RASSF9: variants seen among roughly 807,000 people sequenced by gnomAD.
The protein encoded by RASSF9 is ras association domain-containing protein 9.
Under a neutral mutation model 21.4 loss-of-function variants are expected in RASSF9, and 18 were observed. That is an observed-to-expected ratio of 0.84 (90% CI 0.58 to 1.25). RASSF9 has a LOEUF of 1.25. Among genes scored for constraint, RASSF9 ranks in the 50% most tolerant of loss-of-function variants. The pLI is 0.00. For missense variants in RASSF9, 480 were observed against 503.2 expected (o/e 0.95, Z 0.44); for synonymous variants, 183 against 179.1 (o/e 1.02, Z -0.18).
chr12:85,803,204 A>G lies in RASSF9; in HGVS notation c.*1498T>C, dbSNP rs1592524882. 6.6e-6 allele frequency: 1 copy of G among 152,242 alleles called. No individual in the cohort carries two copies. The highest frequency in any genetic ancestry group is 1.9e-4 in the East Asian group (1 of 5,184). 9.4% of individuals were successfully genotyped at this position (152,242 alleles called of 1,614,324 possible). On this transcript the variant is annotated 3_prime_UTR_variant, in exon 2 of 2. Coordinates refer to ENST00000361228, the MANE Select transcript of RASSF9 (RefSeq NM_005447.4). ...AAATACTTTTCAAATTTTGAAAGTA[A>G]AACAATAAGAAAACTGAGTTAAAAC...
chr12:85,834,432 C>T (rs1565758896), intron 1 of RASSF9, among the ~76,000 whole-genome samples: 1 of 152,164 alleles, frequency 6.6e-6, no homozygotes, highest in East Asian at 1.9e-4. Context: ...ATACTCACCT[C>T]CTCGAAAGAA....
chr12:85,821,383 G>A (rs1418149165), intron 1 of RASSF9, among the ~76,000 whole-genome samples: 1 of 152,136 alleles, frequency 6.6e-6, no homozygotes, highest in Non-Finnish European at 1.5e-5. Flanking sequence ...ATCTTAGGGA[G>A]AGATAAACAC....
intron 1 of RASSF9, among the ~76,000 whole-genome samples, chr12:85,812,123 T>C (rs752523047): frequency 6.6e-6 from 1 of 151,716 alleles, no homozygotes; most frequent in Non-Finnish European, 1.5e-5. Flanking sequence ...TTATTGGAAA[T>C]TGAATGAAAA....
chr12:85,805,683 A>G lies in RASSF9; in HGVS notation c.327T>C (p.Asn109=). Residue 109 remains asparagine, a synonymous_variant, in exon 2 of 2, where the codon AAT becomes AAC. Coordinates refer to ENST00000361228, the MANE Select transcript of RASSF9 (RefSeq NM_005447.4). ...CTGCTTTAACCAAAACAAATTGCAT[A>G]TTGGGCTGCTCATCTCCCCACGCTT... ...LWKAWGDEQP[N]MQFVLVKADA... The G allele has an allele frequency of 6.2e-7, 1 of 1,613,980 alleles. No individual in the cohort carries two copies. Among genetic ancestry groups the G allele is most frequent in the Non-Finnish European group, 8.5e-7 (1 of 1,179,900 alleles).
chr12:85,829,952 G>A (rs1282346667), intron 1 of RASSF9, among the ~76,000 whole-genome samples: 1 of 152,076 alleles, frequency 6.6e-6, no homozygotes, highest in African/African-American at 2.4e-5. Flanking sequence ...TCTCAATTAG[G>A]AGTTTAATCT....
intron 1 of RASSF9, among the ~76,000 whole-genome samples, chr12:85,806,672 C>CAAAAAAAAAA (rs71076150): frequency 5.5e-5 from 3 of 54,822 alleles, no homozygotes; most frequent in African/African-American, 2.0e-4. Context: ...GACTCCATCT[C>CAAAAAAAAAA]AAAAAAAAAA....
chr12:85,821,257 G>A (rs1453421807), intron 1 of RASSF9, among the ~76,000 whole-genome samples: 1 of 152,130 alleles, frequency 6.6e-6, no homozygotes, highest in Non-Finnish European at 1.5e-5. Flanking sequence ...TTTAGGTAAA[G>A]CAAATATGCC....
At chr12:85,833,405 C>A (rs995367880) in intron 1 of RASSF9, among the ~76,000 whole-genome samples, 33 of 151,930 alleles carry the variant, frequency 2.2e-4, no homozygotes, top group Non-Finnish European at 4.0e-4. Context: ...ATGACCCCAC[C>A]TTCTCCAAGC....
Position 85,836,351 on chromosome 12 carries a change from T to G in RASSF9, c.-150A>C. The G allele has an allele frequency of 6.9e-7, 1 of 1,454,546 alleles. No homozygotes were observed. The highest frequency in any genetic ancestry group is 9.1e-7 in the Non-Finnish European group (1 of 1,093,610). 90.1% of individuals were successfully genotyped at this position (1,454,546 alleles called of 1,614,324 possible). A position where few individuals can be genotyped will look rare whatever the true frequency, so the allele number is the denominator to read the frequency against. On this transcript the variant is annotated 5_prime_UTR_variant, in exon 1 of 2. Coordinates refer to ENST00000361228, the MANE Select transcript of RASSF9 (RefSeq NM_005447.4). ...GGCTTTCAGCTCATTAGTAGCCGGC[T>G]GAGAAAGTTGCTGGAAGTTGTGCAA...
chr12:85,830,098 G>A (rs1880417907), intron 1 of RASSF9, among the ~76,000 whole-genome samples: 3 of 152,082 alleles, frequency 2.0e-5, no homozygotes, highest in African/African-American at 7.2e-5. Context: ...CAAATGAGTA[G>A]GAGATATGCT....
At chr12:85,825,585 A>G (rs1880316047) in intron 1 of RASSF9, among the ~76,000 whole-genome samples, 1 of 152,178 alleles carries the variant, frequency 6.6e-6, no homozygotes, top group African/African-American at 2.4e-5. Flanking sequence ...TAGAGACATT[A>G]TGACTGGGAA....
At chr12:85,817,724 T>C (rs929345616) in intron 1 of RASSF9, among the ~76,000 whole-genome samples, 2 of 152,152 alleles carry the variant, frequency 1.3e-5, no homozygotes, top group South Asian at 2.1e-4. Context: ...AAATGGAAGA[T>C]AAAGTGATCT....
chr12:85,827,878 T>TGG (rs1375465258), intron 1 of RASSF9, among the ~76,000 whole-genome samples: 2 of 152,222 alleles, frequency 1.3e-5, no homozygotes, highest in Non-Finnish European at 2.9e-5. Context: ...ATATTGTTTT[T>TGG]GCATTGTCTG....
chr12:85,815,164 TGA>T (rs923630390), intron 1 of RASSF9, among the ~76,000 whole-genome samples: 2 of 151,238 alleles, frequency 1.3e-5, no homozygotes, highest in East Asian at 2.0e-4. Context: ...CTGTACGAAA[TGA>T]GAGAGAGAGA....
chr12:85,817,839 GA>G (rs1409278798), intron 1 of RASSF9, among the ~76,000 whole-genome samples: 1 of 152,054 alleles, frequency 6.6e-6, no homozygotes, highest in Admixed American at 6.6e-5. Context: ...GAAATCATAA[GA>G]TATGCTCTGT....
chr12:85,816,994 G>A (rs1042251609), intron 1 of RASSF9, among the ~76,000 whole-genome samples: 35 of 152,116 alleles, frequency 2.3e-4, no homozygotes, highest in African/African-American at 8.2e-4. Context: ...GTTAGGAATG[G>A]GAGCTATAAA....
At chr12:85,833,493 C>T (rs1021009572) in intron 1 of RASSF9, among the ~76,000 whole-genome samples, 1 of 151,898 alleles carries the variant, frequency 6.6e-6, no homozygotes, top group African/African-American at 2.4e-5. Context: ...GTCTCTAAAA[C>T]TCTCAACTAT....
intron 1 of RASSF9, among the ~76,000 whole-genome samples, chr12:85,817,319 T>C (rs536485304): frequency 2.2e-4 from 34 of 152,230 alleles, no homozygotes; most frequent in African/African-American, 8.2e-4. Flanking sequence ...GATCATACTT[T>C]TAAATTCAAT....
intron 1 of RASSF9, among the ~76,000 whole-genome samples, chr12:85,806,715 A>G (rs1879845380): frequency 6.7e-6 from 1 of 150,118 alleles, no homozygotes; most frequent in Non-Finnish European, 1.5e-5. Context: ...AGAAGATATA[A>G]TGCAAGAAAA....
Sources: allele counts gnomAD v4.1 joint callset (sites outside exome capture counted in the v4.1 genomes callset), GRCh38; gene constraint gnomAD v4.1.1; transcripts MANE v1.5; gene names NCBI Gene and HGNC (gene_info 2026-07-23, HGNC 2026-07-21).